WDPCP: variants seen among roughly 807,000 people sequenced by gnomAD.
WDPCP encodes the protein WD repeat-containing and planar cell polarity effector protein fritz homolog.
Under a neutral mutation model 93.1 loss-of-function variants are expected in WDPCP, and 71 were observed. That is an observed-to-expected ratio of 0.76 (90% CI 0.63 to 0.93). WDPCP has a LOEUF of 0.93. Ranked by LOEUF, WDPCP falls within the 40% of genes least tolerant of loss-of-function variation. The pLI, the probability that WDPCP is intolerant of heterozygous loss-of-function variation, is 0.00. For synonymous variants in WDPCP, 315 were observed against 315.0 expected (o/e 1.00, Z 0.00); for missense variants, 844 against 887.4 (o/e 0.95, Z 0.62).
intron 14 of WDPCP, among the ~76,000 whole-genome samples, chr2:63,218,528 T>C (rs544613629): frequency 6.7e-6 from 1 of 149,540 alleles, no homozygotes; most frequent in South Asian, 2.1e-4. Flanking sequence ...TATTTATTTA[T>C]TTTATTATTA....
chr2:63,678,189 T>C (rs1376315737), intron 2 of WDPCP, among the ~76,000 whole-genome samples: 2 of 152,238 alleles, frequency 1.3e-5, no homozygotes, highest in African/African-American at 4.8e-5. Context: ...CCATCGTTCT[T>C]AGTTTGTTGG....
chr2:63,528,400 G>A (rs560858199), intron 1 of WDPCP, among the ~76,000 whole-genome samples: 2 of 152,336 alleles, frequency 1.3e-5, no homozygotes, highest in East Asian at 3.9e-4. Flanking sequence ...TGTATAAGGT[G>A]TAAGGAAGGG....
At chr2:63,655,420 GTA>G (rs10572781) in intron 2 of WDPCP, among the ~76,000 whole-genome samples, 3,868 of 149,442 alleles carry the variant, frequency 0.026, 162 homozygotes, top group African/African-American at 0.088. Context: ...ATATACACAC[GTA>G]TATATATATA....
chr2:63,608,573 C>CCAGG (rs1709579200), intron 3 of WDPCP, among the ~76,000 whole-genome samples: 1 of 152,024 alleles, frequency 6.6e-6, no homozygotes, highest in Non-Finnish European at 1.5e-5. Context: ...CTTTGGGAGG[C>CCAGG]CAGGGCAGGA....
At chr2:63,137,365 C>T (rs563558025) in intron 17 of WDPCP, among the ~76,000 whole-genome samples, 2 of 152,164 alleles carry the variant, frequency 1.3e-5, no homozygotes, top group South Asian at 4.2e-4. Flanking sequence ...ATGTATGATT[C>T]TCTTGAAAAG....
chr2:63,509,490 G>A (rs1337508699), intron 1 of WDPCP, among the ~76,000 whole-genome samples: 1 of 152,042 alleles, frequency 6.6e-6, no homozygotes, highest in Non-Finnish European at 1.5e-5. Flanking sequence ...AGGAAAGATC[G>A]AAAACTGACA....
intron 2 of WDPCP, among the ~76,000 whole-genome samples, chr2:63,746,292 C>G (rs1047027155): frequency 1.3e-5 from 2 of 152,114 alleles, no homozygotes; most frequent in Non-Finnish European, 2.9e-5. Context: ...ATCTCTTAAT[C>G]CTGTCATCTT....
chr2:63,251,440 G>A (rs1574982672), intron 14 of WDPCP, among the ~76,000 whole-genome samples: 1 of 142,056 alleles, frequency 7.0e-6, no homozygotes, highest in Admixed American at 7.0e-5. Context: ...ACCCTGAACA[G>A]AACAATAAAC....
At chr2:63,432,432 T>C (rs949850937) in intron 9 of WDPCP, among the ~76,000 whole-genome samples, 3 of 152,134 alleles carry the variant, frequency 2.0e-5, no homozygotes. Context: ...CTAAGATCCT[T>C]GAAGGCAGGG....
intron 9 of WDPCP, among the ~76,000 whole-genome samples, chr2:63,405,357 C>T (rs538909921): frequency 6.6e-6 from 1 of 152,084 alleles, no homozygotes. Context: ...TATATATAGT[C>T]GGTCCTTGAA....
At position 63,759,845 on chromosome 2, in the gene WDPCP, C is replaced by T. The variant is rs187390555; in HGVS notation, n.308+53777G>A. 2.0e-5 allele frequency among the ~76,000 whole-genome samples: 3 copies of T among 152,366 alleles called. No homozygotes were observed. In the East Asian group the frequency reaches 5.8e-4, roughly 29 times the overall value. The stretch of plus-strand genomic sequence containing the variant: ...ACCTGGATGAGGGTTAGGCTAGAGG[C>T]TCATTCAGCCAAGTTCTTGCCTAAT... On this transcript the variant is annotated intron_variant and non_coding_transcript_variant, in intron 2 of 4. Transcript: ENST00000467687.
chr2:63,654,302 C>G (rs575562881), intron 2 of WDPCP, among the ~76,000 whole-genome samples: 293 of 152,140 alleles, frequency 1.9e-3, no homozygotes, highest in Non-Finnish European at 3.6e-3. Context: ...AAGATTGTAA[C>G]ATTATGGTAC....
At chr2:63,798,215 A>G (rs1184095488) in intron 2 of WDPCP, among the ~76,000 whole-genome samples, 3 of 152,248 alleles carry the variant, frequency 2.0e-5, no homozygotes, top group Non-Finnish European at 4.4e-5. Context: ...TCAATGAGTA[A>G]TAAAAAATCA....
chr2:63,183,114 T>G (rs1674376203), intron 14 of WDPCP, among the ~76,000 whole-genome samples: 1 of 152,008 alleles, frequency 6.6e-6, no homozygotes, highest in African/African-American at 2.4e-5. Flanking sequence ...CTTTATAATG[T>G]TCTTTTGTTC....
At chr2:63,563,803 T>C (rs1036131508) in intron 1 of WDPCP, among the ~76,000 whole-genome samples, 1 of 152,134 alleles carries the variant, frequency 6.6e-6, no homozygotes, top group South Asian at 2.1e-4. Flanking sequence ...CAAGAAGGAC[T>C]TCATCCTTCA....
chr2:63,201,137 G>A (rs184489533), intron 14 of WDPCP, among the ~76,000 whole-genome samples: 11 of 152,024 alleles, frequency 7.2e-5, no homozygotes, highest in Admixed American at 4.6e-4. Context: ...ATGAGATCTC[G>A]ATGTTTAAAA....
In WDPCP at chr2:63,372,357, G is replaced by C. The variant is rs184072100; in HGVS notation, c.1748+6029C>G. On this transcript the variant is annotated intron_variant, in intron 12 of 17. Transcript: ENST00000272321. ...CATTTCAACATGAGATTTAGGCAGGGGCAAATATACAAACTTCTGTTTTTT... is the reference window on the plus strand; with the variant it reads ...CATTTCAACATGAGATTTAGGCAGGCGCAAATATACAAACTTCTGTTTTTT... Among the ~76,000 whole-genome samples, 504 of 152,160 alleles carry C rather than the reference G, an allele frequency of 3.3e-3. 2 individuals carry two copies. Among genetic ancestry groups the C allele is most frequent in the Admixed American group, 5.7e-3 (87 of 15,272 alleles).
chr2:63,553,717 G>A (rs750432545), intron 1 of WDPCP, among the ~76,000 whole-genome samples: 14 of 152,030 alleles, frequency 9.2e-5, no homozygotes, highest in Admixed American at 4.6e-4. Flanking sequence ...GAAGAAAAGA[G>A]GGTTGTTTTT....
chr2:63,546,291 A>G (rs965933317), intron 1 of WDPCP, among the ~76,000 whole-genome samples: 6 of 152,232 alleles, frequency 3.9e-5, no homozygotes, highest in Non-Finnish European at 7.3e-5. Context: ...AGAGCCTTTA[A>G]TATGAACTCA....
Sources: allele counts gnomAD v4.1 joint callset (sites outside exome capture counted in the v4.1 genomes callset), GRCh38; gene constraint gnomAD v4.1.1; transcripts MANE v1.5; gene names NCBI Gene and HGNC (gene_info 2026-07-23, HGNC 2026-07-21).